The following RARB variants were observed in gnomAD, a reference collection of about 807,000 sequenced individuals.
RARB encodes the protein HBV-activated protein.
A neutral mutation model predicts 51.9 loss-of-function variants in RARB; 17 were observed. The ratio of observed to expected loss-of-function variants is 0.33; its 90% CI spans 0.22 to 0.49. The LOEUF is 0.49. RARB is among the 20% of genes least tolerant of loss of function. RARB has a pLI of 0.99. For missense variants in RARB, 369 were observed against 550.8 expected, an observed-to-expected ratio of 0.67 and a Z score of 3.30; for synonymous variants, 215 against 195.4, an observed-to-expected ratio of 1.10 and a Z score of -0.84.
intron 3 of RARB, among the ~76,000 whole-genome samples, chr3:25,064,169 T>A (rs991712178): frequency 1.8e-4 from 28 of 152,092 alleles, no homozygotes; most frequent in African/African-American, 6.8e-4. Context: ...GCATCCACTT[T>A]AGGATATGAG....
intron 2 of RARB, among the ~76,000 whole-genome samples, chr3:24,897,830 C>T (rs1275093800): frequency 6.6e-6 from 1 of 151,508 alleles, no homozygotes; most frequent in Non-Finnish European, 1.5e-5. Flanking sequence ...AACTGCCGGA[C>T]ATCTAAGAAA....
intron 4 of RARB, among the ~76,000 whole-genome samples, chr3:25,139,318 G>A (rs1700076408): frequency 6.6e-6 from 1 of 152,192 alleles, no homozygotes; most frequent in Non-Finnish European, 1.5e-5. Flanking sequence ...CAGCCAAGTT[G>A]TGAATGTGGA....
At chr3:25,196,769 G>A (rs1701250201) in intron 5 of RARB, among the ~76,000 whole-genome samples, 1 of 152,118 alleles carries the variant, frequency 6.6e-6, no homozygotes, top group South Asian at 2.1e-4. Flanking sequence ...ATTCTAACTG[G>A]TGTGAGGTGG....
At chr3:25,172,660 A>G (rs1318424589) in intron 4 of RARB, among the ~76,000 whole-genome samples, 2 of 152,164 alleles carry the variant, frequency 1.3e-5, no homozygotes, top group Non-Finnish European at 2.9e-5. Context: ...TGGGATTACT[A>G]TAATGTAGTC....
intron 5 of RARB, among the ~76,000 whole-genome samples, chr3:25,259,472 T>G (rs903042497): frequency 6.6e-6 from 1 of 152,158 alleles, no homozygotes; most frequent in African/African-American, 2.4e-5. Flanking sequence ...CTCTCTTCCC[T>G]TTATACTAGC....
intron 5 of RARB, among the ~76,000 whole-genome samples, chr3:25,311,118 T>C (rs1464250632): frequency 9.9e-5 from 15 of 152,132 alleles, no homozygotes; most frequent in Admixed American, 9.8e-4. Context: ...GAAGGCTTCA[T>C]AGAGGGTGTC....
At chr3:24,993,517 A>G (rs1346429675) in intron 2 of RARB, among the ~76,000 whole-genome samples, 1 of 152,160 alleles carries the variant, frequency 6.6e-6, no homozygotes, top group Non-Finnish European at 1.5e-5. Context: ...AATATTGACT[A>G]TGTTGGGAAC....
chr3:25,088,557 T>C (rs1699142709), intron 3 of RARB, among the ~76,000 whole-genome samples: 1 of 152,026 alleles, frequency 6.6e-6, no homozygotes, highest in Non-Finnish European at 1.5e-5. Context: ...GGCTGGGAAA[T>C]TTTCCATATA....
At chr3:25,415,223 G>GTT (rs533404321) in intron 5 of RARB, among the ~76,000 whole-genome samples, 9 of 151,648 alleles carry the variant, frequency 5.9e-5, no homozygotes, top group African/African-American at 2.2e-4. Context: ...TAATTATTTT[G>GTT]TTTTTTTTAT....
At chr3:25,194,841 T>C (rs1178599485) in intron 5 of RARB, among the ~76,000 whole-genome samples, 1 of 151,988 alleles carries the variant, frequency 6.6e-6, no homozygotes. Context: ...GTTTCTATGA[T>C]GGCCGCTCTG....
intron 3 of RARB, among the ~76,000 whole-genome samples, chr3:25,529,695 T>G (rs1194489861): frequency 6.6e-6 from 1 of 152,146 alleles, no homozygotes; most frequent in Non-Finnish European, 1.5e-5. Context: ...ATAGTGGTTT[T>G]CCCATGACTG....
intron 5 of RARB, among the ~76,000 whole-genome samples, chr3:25,232,550 A>G (rs1702203690): frequency 6.6e-6 from 1 of 152,090 alleles, no homozygotes; most frequent in South Asian, 2.1e-4. Context: ...TCTTTGGCCA[A>G]CGTTTTGTCA....
intron 5 of RARB, among the ~76,000 whole-genome samples, chr3:25,363,908 G>A (rs1040783333): frequency 5.3e-5 from 8 of 152,024 alleles, no homozygotes; most frequent in African/African-American, 1.9e-4. Context: ...TCCCATCTCG[G>A]GTCCCTGGCA....
intron 1 of RARB, among the ~76,000 whole-genome samples, chr3:25,460,689 C>G (rs1157280121): frequency 6.6e-6 from 1 of 152,038 alleles, no homozygotes; most frequent in Non-Finnish European, 1.5e-5. Flanking sequence ...CTCAGGTGAT[C>G]CCCCTGCCTC....
At chr3:25,228,872 T>C (rs546201343) in intron 5 of RARB, among the ~76,000 whole-genome samples, 1 of 152,276 alleles carries the variant, frequency 6.6e-6, no homozygotes, top group East Asian at 1.9e-4. Flanking sequence ...AAGTAGTCCT[T>C]GGAGTGACTC....
At chr3:25,497,455 C>T (rs1022462580) in intron 2 of RARB, among the ~76,000 whole-genome samples, 1 of 152,184 alleles carries the variant, frequency 6.6e-6, no homozygotes, top group African/African-American at 2.4e-5. Context: ...CCTCTTCTTT[C>T]GCCAATTTCT....
At chr3:25,315,001 C>T (rs2125435857) in intron 5 of RARB, among the ~76,000 whole-genome samples, 1 of 152,330 alleles carries the variant, frequency 6.6e-6, no homozygotes, top group East Asian at 1.9e-4. Context: ...ATAATGGCCT[C>T]CAGCTACATC....
At chr3:25,149,225 C>T (rs978516465) in intron 4 of RARB, among the ~76,000 whole-genome samples, 1 of 152,150 alleles carries the variant, frequency 6.6e-6, no homozygotes. Flanking sequence ...TACAATTAAT[C>T]TTCCATAGGA....
At chr3:25,268,627 T>C (rs1171866554) in intron 5 of RARB, among the ~76,000 whole-genome samples, 1 of 152,182 alleles carries the variant, frequency 6.6e-6, no homozygotes, top group African/African-American at 2.4e-5. Flanking sequence ...TGTACAAACA[T>C]TCCTGGGAGG....
Sources: gnomAD v4.1 joint callset for allele counts (sites outside exome capture counted in the v4.1 genomes callset) on GRCh38, gnomAD v4.1.1 for gene constraint, MANE v1.5 for transcripts, NCBI Gene and HGNC (gene_info 2026-07-23, HGNC 2026-07-21) for gene names.